Variants in IL20RB observed in about 807,000 individuals in gnomAD.
The protein encoded by IL20RB is interleukin 20 receptor subunit beta.
IL20RB carries 21 observed loss-of-function variants against 33.3 expected under a neutral mutation model. The ratio of observed to expected loss-of-function variants is 0.63; its 90% CI spans 0.45 to 0.91. The LOEUF (loss-of-function observed/expected upper bound fraction) is 0.91. Among genes scored for constraint, IL20RB ranks in the 40% least tolerant of loss-of-function variants. IL20RB has a pLI of 0.00. For missense variants in IL20RB, 345 were observed against 384.8 expected (o/e 0.90, Z 0.86); for synonymous variants, 147 against 146.8 (o/e 1.00, Z -0.01).
At chr3:136,987,934 G>T (rs1004019348) in intron 3 of IL20RB, among the ~76,000 whole-genome samples, 1 of 152,298 alleles carries the variant, frequency 6.6e-6, no homozygotes, top group Non-Finnish European at 1.5e-5. Flanking sequence ...GCCCGCAAGC[G>T]CCGCGTGCAG....
At chr3:136,969,652 G>C (rs1393569733) in intron 1 of IL20RB, among the ~76,000 whole-genome samples, 1 of 151,742 alleles carries the variant, frequency 6.6e-6, no homozygotes, top group Non-Finnish European at 1.5e-5. Context: ...GAAATCACCC[G>C]TCTTCTGCGT....
chr3:136,992,066 G>C lies in IL20RB; in HGVS notation c.660G>C (p.Gln220His). The C allele has an allele frequency of 6.2e-7, 1 of 1,614,172 alleles. No homozygotes were observed. The highest frequency in any genetic ancestry group is 2.2e-5 in the East Asian group (1 of 44,880). The stretch of plus-strand genomic sequence containing the variant: ...TTGGGAGGTACAGCGCCTTCAGCCA[G>C]ACAGAATGTGTGGAGGTGCAAGGTA... ...KAIGRYSAFS[Q>H]TECVEVQGEA... Residue 220 changes from glutamine (Q) to histidine (H), a missense_variant, in exon 5 of 7, where the codon CAG becomes CAC. By Grantham distance (24) the Gln-to-His change is conservative. Transcript: ENST00000329582.
intron 2 of IL20RB, among the ~76,000 whole-genome samples, chr3:136,981,146 T>A (rs1355168085): frequency 6.6e-6 from 1 of 152,116 alleles, no homozygotes; most frequent in African/African-American, 2.4e-5. Context: ...GGCTCAGGGA[T>A]ACAGTTGACA....
intron 1 of IL20RB, among the ~76,000 whole-genome samples, chr3:136,976,794 A>C (rs1941629192): frequency 6.6e-6 from 1 of 152,190 alleles, no homozygotes; most frequent in South Asian, 2.1e-4. Flanking sequence ...GCCTTGCTGT[A>C]ACTGTTTGGG....
chr3:136,982,956 G>A (rs910476306), intron 3 of IL20RB, among the ~76,000 whole-genome samples: 24 of 152,184 alleles, frequency 1.6e-4, no homozygotes, highest in Non-Finnish European at 3.1e-4. Flanking sequence ...GTGTGTTTGC[G>A]GAACAGGAGA....
At chr3:136,980,272 G>T in intron 1 of IL20RB, 194 bp from the exon 2 acceptor site, 3 of 591,126 alleles carry the variant, frequency 5.1e-6, no homozygotes, top group Non-Finnish European at 8.9e-6. Flanking sequence ...AGTTGTTTCT[G>T]GTTTATAAAC....
At chr3:136,978,995 A>T (rs1297914135) in intron 1 of IL20RB, among the ~76,000 whole-genome samples, 1 of 152,242 alleles carries the variant, frequency 6.6e-6, no homozygotes, top group African/African-American at 2.4e-5. Context: ...TAATTAAATT[A>T]GTTATATAAA....
intron 6 of IL20RB, among the ~76,000 whole-genome samples, chr3:137,005,717 C>A (rs1011954842): frequency 6.6e-6 from 1 of 152,116 alleles, no homozygotes; most frequent in Non-Finnish European, 1.5e-5. Flanking sequence ...TGACTCTATC[C>A]AATTTGCCAG....
intron 1 of IL20RB, among the ~76,000 whole-genome samples, chr3:136,971,603 GT>G (rs1941487632): frequency 6.6e-6 from 1 of 151,986 alleles, no homozygotes. Context: ...TTGTTTTTTT[GT>G]TTCTGGCTTA....
intron 1 of IL20RB, among the ~76,000 whole-genome samples, 172 bp downstream of exon 1, chr3:136,958,373 G>A (rs1006822980): frequency 6.6e-6 from 1 of 152,096 alleles, no homozygotes; most frequent in Admixed American, 6.5e-5. Context: ...CAAAGAAAAG[G>A]CCTGCATTCT....
intron 5 of IL20RB, among the ~76,000 whole-genome samples, chr3:136,992,692 A>G (rs1461354248): frequency 6.6e-6 from 1 of 152,118 alleles, no homozygotes; most frequent in Non-Finnish European, 1.5e-5. Context: ...TAAAAATAGA[A>G]CTATTTTTTT....
intron 6 of IL20RB, among the ~76,000 whole-genome samples, chr3:137,007,598 G>A (rs1328792255): frequency 1.3e-5 from 2 of 152,256 alleles, no homozygotes; most frequent in Non-Finnish European, 2.9e-5. Context: ...GCCGAGCCAG[G>A]CACGAGAGAG....
chr3:136,998,006 G>A (rs1391386654), intron 6 of IL20RB, among the ~76,000 whole-genome samples: 4 of 151,970 alleles, frequency 2.6e-5, no homozygotes, highest in Non-Finnish European at 5.9e-5. Context: ...CTGACCTCAG[G>A]TGATCCACCC....
At chr3:136,992,294 G>T (rs1942048745) in intron 5 of IL20RB, among the ~76,000 whole-genome samples, 1 of 152,216 alleles carries the variant, frequency 6.6e-6, no homozygotes, top group South Asian at 2.1e-4. Context: ...GCTGGGTGGG[G>T]TTACGAGCAG....
At chr3:136,974,538 T>C (rs1941569566) in intron 1 of IL20RB, among the ~76,000 whole-genome samples, 1 of 152,150 alleles carries the variant, frequency 6.6e-6, no homozygotes, top group East Asian at 1.9e-4. Context: ...GACTAGATGC[T>C]TTTTTTCTAG....
chr3:136,991,660 G>T (rs1203073341), intron 4 of IL20RB, among the ~76,000 whole-genome samples: 1 of 152,200 alleles, frequency 6.6e-6, no homozygotes. Context: ...CCAAGCTGGA[G>T]TGCAGTGGCA....
At chr3:136,966,154 T>C (rs1438678646) in intron 1 of IL20RB, among the ~76,000 whole-genome samples, 70 of 142,974 alleles carry the variant, frequency 4.9e-4, no homozygotes, top group African/African-American at 1.9e-3. Flanking sequence ...GGTCTAAGAT[T>C]CTCTTTTTTT....
At chr3:136,990,529 TCTC>T (rs1236783261) in intron 4 of IL20RB, among the ~76,000 whole-genome samples, 1 of 152,042 alleles carries the variant, frequency 6.6e-6, no homozygotes, top group Non-Finnish European at 1.5e-5. Flanking sequence ...AGGCCTGACT[TCTC>T]CTCACTGTGT....
intron 6 of IL20RB, 66 bp downstream of exon 6, chr3:136,995,622 G>A (rs1942112560): frequency 4.8e-6 from 7 of 1,471,932 alleles, no homozygotes; most frequent in Non-Finnish European, 5.7e-6. Flanking sequence ...GCCTTAGCTG[G>A]GCATGGGCAC....
Sources: gnomAD v4.1 joint callset for allele counts (sites outside exome capture counted in the v4.1 genomes callset) on GRCh38, gnomAD v4.1.1 for gene constraint, MANE v1.5 for transcripts, NCBI Gene and HGNC (gene_info 2026-07-23, HGNC 2026-07-21) for gene names.